Variants in PRPF18 observed in about 807,000 individuals in gnomAD.
The protein encoded by PRPF18 is pre-mRNA-splicing factor 18.
In PRPF18, 38 loss-of-function variants were observed where a neutral mutation model predicts 46.5. The ratio of observed to expected loss-of-function variants is 0.82; its 90% CI spans 0.63 to 1.07. The LOEUF (loss-of-function observed/expected upper bound fraction) is 1.07. Ranked by LOEUF, PRPF18 falls within the 50% of genes least tolerant of loss-of-function variation. The pLI, the probability that PRPF18 is intolerant of heterozygous loss-of-function variation, is 0.00. For missense variants in PRPF18, 263 were observed against 410.0 expected, an observed-to-expected ratio of 0.64 and a Z score of 3.10; for synonymous variants, 152 against 146.7, an observed-to-expected ratio of 1.04 and a Z score of -0.26.
chr10:13,605,496 C>T (rs898132823), intron 3 of PRPF18, 135 bp from the exon 4 acceptor site: 11 of 874,136 alleles, frequency 1.3e-5, no homozygotes, highest in East Asian at 3.8e-5. Context: ...GCAGGAGAAT[C>T]GCTTGAACCT....
intron 3 of PRPF18, among the ~76,000 whole-genome samples, chr10:13,600,684 A>G (rs960804408): frequency 4.6e-5 from 7 of 152,270 alleles, no homozygotes; most frequent in African/African-American, 1.7e-4. Flanking sequence ...CCCTTATTTA[A>G]TAATACGTCT....
chr10:13,595,542 A>G (rs2080022755), intron 1 of PRPF18, among the ~76,000 whole-genome samples: 1 of 152,238 alleles, frequency 6.6e-6, no homozygotes, highest in Non-Finnish European at 1.5e-5. Flanking sequence ...TTGGAAGACT[A>G]GATCAGAACA....
At chr10:13,587,305 C>A in intron 1 of PRPF18, 153 bp downstream of exon 1, 1 of 767,286 alleles carries the variant, frequency 1.3e-6, no homozygotes, top group Non-Finnish European at 2.2e-6. Flanking sequence ...CCCTTAGATC[C>A]AACCCTTGGC....
At chr10:13,606,625 C>A (rs2080188175) in intron 4 of PRPF18, among the ~76,000 whole-genome samples, 1 of 148,990 alleles carries the variant, frequency 6.7e-6, no homozygotes, top group South Asian at 2.2e-4. Context: ...TTCCCAGCTA[C>A]TTGGGAGGCT....
intron 9 of PRPF18, among the ~76,000 whole-genome samples, chr10:13,623,645 A>G (rs1564462748): frequency 6.6e-6 from 1 of 152,084 alleles, no homozygotes; most frequent in Non-Finnish European, 1.5e-5. Flanking sequence ...CTCAAGTTCT[A>G]ATGATATATT....
chr10:13,618,541 T>G (rs2080377162), intron 9 of PRPF18, among the ~76,000 whole-genome samples: 1 of 146,190 alleles, frequency 6.8e-6, no homozygotes, highest in African/African-American at 2.6e-5. Context: ...CAGAAGGATC[T>G]CTTCAGCCTG....
Position 13,606,809 on chromosome 10 carries a change from A to G in PRPF18, c.363+1065A>G, listed in dbSNP as rs764806772. ...CTTATGCAGATCTTTTTTTGGAACT[A>G]TGTTATTTTTCTTGGGTAAATAAAT... On this transcript the variant is annotated intron_variant, in intron 4 of 9. Transcript: ENST00000378572. Among the ~76,000 whole-genome samples the G allele has an allele frequency of 4.5e-4, 67 of 150,110 alleles. 1 individual carries two copies. Among genetic ancestry groups the G allele is most frequent in the Admixed American group, 3.8e-3 (58 of 15,070 alleles).
chr10:13,625,521 G>A (rs1005702175), intron 9 of PRPF18, among the ~76,000 whole-genome samples: 1 of 152,146 alleles, frequency 6.6e-6, no homozygotes, highest in African/African-American at 2.4e-5. Flanking sequence ...AATCTATAAC[G>A]TTTATAGCCA....
At chr10:13,651,672 C>G in the PRPF18 span, 2 of 532,268 alleles carry the variant, frequency 3.8e-6, no homozygotes, top group Non-Finnish European at 6.7e-6. Context: ...GACTCTGTCT[C>G]AAAACAAAAC....
intron 9 of PRPF18, among the ~76,000 whole-genome samples, chr10:13,621,815 T>C (rs1436071868): frequency 6.6e-6 from 1 of 152,220 alleles, no homozygotes; most frequent in Non-Finnish European, 1.5e-5. Flanking sequence ...TTGTTTTCAG[T>C]AAGCTTAAGT....
chr10:13,592,244 A>T, intron 1 of PRPF18: 1 of 544,346 alleles, frequency 1.8e-6, no homozygotes, highest in Non-Finnish European at 3.4e-6. Context: ...ACCCTTTTTC[A>T]CCTTGTCACC....
intron 1 of PRPF18, among the ~76,000 whole-genome samples, chr10:13,593,608 G>A (rs1431812787): frequency 6.6e-6 from 1 of 152,186 alleles, no homozygotes; most frequent in East Asian, 1.9e-4. Context: ...CAGTAGAGAG[G>A]GGAAGGATGA....
chr10:13,638,290 T>C, the PRPF18 span, among the ~76,000 whole-genome samples: 1 of 147,310 alleles, frequency 6.8e-6, no homozygotes. Flanking sequence ...AAGATAAAGC[T>C]TGGCTTTTCT....
intron 4 of PRPF18, among the ~76,000 whole-genome samples, chr10:13,606,437 A>G (rs1344885236): frequency 1.3e-5 from 2 of 152,144 alleles, no homozygotes; most frequent in African/African-American, 4.8e-5. Context: ...GCTTTGGGCT[A>G]TTAGGAATAA....
At chr10:13,608,882 T>C (rs954549817) in intron 4 of PRPF18, among the ~76,000 whole-genome samples, 2 of 152,192 alleles carry the variant, frequency 1.3e-5, no homozygotes, top group Non-Finnish European at 2.9e-5. Context: ...GGCAAGTCTT[T>C]TACTCTATTT....
intron 2 of PRPF18, among the ~76,000 whole-genome samples, chr10:13,598,741 C>G (rs2080067589): frequency 6.6e-6 from 1 of 152,118 alleles, no homozygotes; most frequent in Admixed American, 6.5e-5. Context: ...GAAAGGAACT[C>G]TCATTTTTGC....
At chr10:13,637,525 T>A in the PRPF18 span, among the ~76,000 whole-genome samples, 1 of 152,248 alleles carries the variant, frequency 6.6e-6, no homozygotes, top group Admixed American at 6.5e-5. Context: ...TTTCCCCTAC[T>A]GAATTGCCTG....
intron 6 of PRPF18, 93 bp downstream of exon 6, chr10:13,611,776 G>A (rs2080272424): frequency 2.7e-6 from 3 of 1,094,228 alleles, no homozygotes; most frequent in African/African-American, 3.1e-5. Context: ...GCTGGAACGG[G>A]AAAGCCTCAA....
chr10:13,619,056 T>A (rs902130891), intron 9 of PRPF18, among the ~76,000 whole-genome samples: 3 of 152,202 alleles, frequency 2.0e-5, no homozygotes, highest in African/African-American at 7.2e-5. Flanking sequence ...GCAACCTCGA[T>A]CCCTCACATG....
Sources: gnomAD v4.1 joint callset for allele counts (sites outside exome capture counted in the v4.1 genomes callset) on GRCh38, gnomAD v4.1.1 for gene constraint, MANE v1.5 for transcripts, NCBI Gene and HGNC (gene_info 2026-07-23, HGNC 2026-07-21) for gene names.